Variants in POC1B observed in about 807,000 individuals in gnomAD.
POC1B encodes POC1 centriolar protein homolog B.
A neutral mutation model predicts 60.6 loss-of-function variants in POC1B; 44 were observed. The observed-to-expected ratio is 0.73, with a 90% CI of 0.57 to 0.93. The LOEUF (loss-of-function observed/expected upper bound fraction) is 0.93. Among genes scored for constraint, POC1B ranks in the 40% least tolerant of loss-of-function variants. The pLI is 0.00. For synonymous variants in POC1B, 180 were observed against 198.9 expected (o/e 0.90, Z 0.80); for missense variants, 555 against 572.3 (o/e 0.97, Z 0.31).
intron 10 of POC1B, among the ~76,000 whole-genome samples, chr12:89,433,940 C>T (rs539900588): frequency 6.6e-6 from 1 of 152,310 alleles, no homozygotes; most frequent in South Asian, 2.1e-4. Context: ...AGGACCACAA[C>T]AAAGAATTCA....
In POC1B at chr12:89,432,255, A is replaced by G. The variant is rs555609110; in HGVS notation, c.1114-6876T>C. ...AAAGAAATTAGCCAGGTGTTGCGGCATGCACCCGTAGTCCCAGCTACTCAG... is the reference window on the plus strand; with the variant it reads ...AAAGAAATTAGCCAGGTGTTGCGGCGTGCACCCGTAGTCCCAGCTACTCAG... On this transcript the variant is annotated intron_variant, in intron 10 of 11. Coordinates refer to ENST00000313546, the MANE Select transcript of POC1B (RefSeq NM_172240.3). Among the ~76,000 whole-genome samples, 15 of 151,874 alleles carry G rather than the reference A, an allele frequency of 9.9e-5. No individual in the cohort carries two copies. In the East Asian group the frequency reaches 2.9e-3, roughly 29 times the overall value.
chr12:89,414,757 AAC>A (rs1880336925), downstream of POC1B, among the ~76,000 whole-genome samples: 1 of 151,076 alleles, frequency 6.6e-6, no homozygotes, highest in Non-Finnish European at 1.5e-5. Context: ...ATATTAGAAT[AAC>A]TGTTTTTTTT....
At chr12:89,504,312 C>A (rs1309739100) in intron 2 of POC1B, among the ~76,000 whole-genome samples, 1 of 152,146 alleles carries the variant, frequency 6.6e-6, no homozygotes, top group Non-Finnish European at 1.5e-5. Flanking sequence ...TGCCCCCAAC[C>A]CTGTGCTCTC....
chr12:89,469,200 C>T (rs1882796578), intron 7 of POC1B, among the ~76,000 whole-genome samples: 2 of 152,154 alleles, frequency 1.3e-5, no homozygotes, highest in Non-Finnish European at 2.9e-5. Context: ...GCAGAGGTTA[C>T]AGTGAGCCGA....
intron 2 of POC1B, chr12:89,524,191 C>A: frequency 6.2e-7 from 1 of 1,613,998 alleles, no homozygotes; most frequent in Non-Finnish European, 8.5e-7. Context: ...CTCATACATT[C>A]TTTTATCCTC....
intron 2 of POC1B, among the ~76,000 whole-genome samples, chr12:89,497,849 C>T (rs1256309756): frequency 3.9e-5 from 6 of 152,204 alleles, no homozygotes; most frequent in Admixed American, 2.6e-4. Context: ...CCCAAATCTA[C>T]TTGTTAATGT....
At chr12:89,497,958 C>T (rs1869342322) in intron 2 of POC1B, among the ~76,000 whole-genome samples, 1 of 152,064 alleles carries the variant, frequency 6.6e-6, no homozygotes, top group Admixed American at 6.6e-5. Context: ...TTTTTTTGTT[C>T]CTGAACCATT....
chr12:89,421,572 G>A (rs1414312362), intron 11 of POC1B, among the ~76,000 whole-genome samples: 8 of 152,192 alleles, frequency 5.3e-5, no homozygotes, highest in African/African-American at 1.2e-4. Context: ...GCCACACAGC[G>A]TTCTAAGTGG....
At chr12:89,480,142 GT>G (rs557388611) in intron 4 of POC1B, among the ~76,000 whole-genome samples, 3,688 of 143,914 alleles carry the variant, frequency 0.026, 62 homozygotes, top group Non-Finnish European at 0.036. Flanking sequence ...TTCTTCTTTC[GT>G]TTTTTTTTTT....
downstream of POC1B, among the ~76,000 whole-genome samples, chr12:89,414,994 C>A (rs1371294135): frequency 1.3e-5 from 2 of 152,162 alleles, no homozygotes; most frequent in African/African-American, 2.4e-5. Context: ...CCAGGCAAGC[C>A]TTTTTCTTAA....
chr12:89,458,896 G>A (rs1882363446), intron 10 of POC1B, among the ~76,000 whole-genome samples: 1 of 152,070 alleles, frequency 6.6e-6, no homozygotes, highest in Non-Finnish European at 1.5e-5. Flanking sequence ...TAAATGGAAA[G>A]GCTAAAATTC....
intron 10 of POC1B, among the ~76,000 whole-genome samples, chr12:89,429,917 G>A (rs1263394451): frequency 2.6e-5 from 4 of 152,198 alleles, no homozygotes; most frequent in Admixed American, 2.6e-4. Flanking sequence ...ATCATTGATT[G>A]ATCCTACAAA....
chr12:89,500,572 T>G, intron 2 of POC1B: 1 of 1,605,682 alleles, frequency 6.2e-7, no homozygotes, highest in Middle Eastern at 1.7e-4. Flanking sequence ...GCTCACCTTC[T>G]GTTCTTTTGG....
intron 2 of POC1B, among the ~76,000 whole-genome samples, chr12:89,518,415 T>C (rs1386675059): frequency 1.3e-5 from 2 of 152,234 alleles, no homozygotes; most frequent in Non-Finnish European, 2.9e-5. Flanking sequence ...AAGTCTAGCA[T>C]GCACAGAGGC....
chr12:89,437,696 A>G (rs552335629), intron 10 of POC1B, among the ~76,000 whole-genome samples: 1 of 149,710 alleles, frequency 6.7e-6, no homozygotes, highest in African/African-American at 2.5e-5. Flanking sequence ...TTGCTCTTTC[A>G]TTTGTACATT....
intron 4 of POC1B, among the ~76,000 whole-genome samples, chr12:89,478,872 C>A (rs913391356): frequency 2.0e-5 from 3 of 152,166 alleles, no homozygotes; most frequent in African/African-American, 7.2e-5. Context: ...CGGAAAAGTT[C>A]TCTACTACAT....
chr12:89,525,507 T>TG, intron 1 of POC1B: 1 of 1,312,898 alleles, frequency 7.6e-7, no homozygotes. Context: ...CCCCGCCCGC[T>TG]GGCCCAAGGC....
chr12:89,472,605 T>C (rs772508012), intron 4 of POC1B: 1 of 183,878 alleles, frequency 5.4e-6, no homozygotes, highest in Admixed American at 6.4e-5. Flanking sequence ...CTTGTATTTT[T>C]AAAAGAACTC....
chr12:89,443,344 T>G (rs1470545002), intron 10 of POC1B, among the ~76,000 whole-genome samples: 3 of 152,236 alleles, frequency 2.0e-5, no homozygotes, highest in Non-Finnish European at 4.4e-5. Flanking sequence ...ATTGACCATA[T>G]AGTTGGAAGT....
Sources: gnomAD v4.1 joint callset for allele counts (sites outside exome capture counted in the v4.1 genomes callset) on GRCh38, gnomAD v4.1.1 for gene constraint, MANE v1.5 for transcripts, NCBI Gene and HGNC (gene_info 2026-07-23, HGNC 2026-07-21) for gene names.